MAP2: variants seen among roughly 807,000 people sequenced by gnomAD.
MAP2 encodes the protein microtubule-associated protein 2.
Under a neutral mutation model 137.6 loss-of-function variants are expected in MAP2, and 14 were observed. That is an observed-to-expected ratio of 0.10 (90% confidence interval 0.07 to 0.16). MAP2 has a LOEUF of 0.16. MAP2 is among the 10% of genes least tolerant of loss of function. The pLI is 1.00. For missense variants in MAP2, 2,088 were observed against 2,191.5 expected (o/e 0.95, Z 0.94); for synonymous variants, 786 against 782.3 (o/e 1.00, Z -0.08).
chr2:209,626,257 T>C (rs1442965629), intron 4 of MAP2, among the ~76,000 whole-genome samples: 2 of 151,842 alleles, frequency 1.3e-5, no homozygotes, highest in Non-Finnish European at 2.9e-5. Flanking sequence ...CTACCAAAAA[T>C]ACAAAAAATT....
intron 13 of MAP2, among the ~76,000 whole-genome samples, chr2:209,718,671 C>T (rs993311804): frequency 7.9e-5 from 12 of 152,158 alleles, no homozygotes; most frequent in Non-Finnish European, 1.5e-4. Flanking sequence ...GAAAATTGGT[C>T]TCTCCAACTT....
chr2:209,444,584 T>C (rs1247677270), intron 1 of MAP2, among the ~76,000 whole-genome samples: 1 of 151,532 alleles, frequency 6.6e-6, no homozygotes, highest in Non-Finnish European at 1.5e-5. Flanking sequence ...GGTTGCAGTT[T>C]AGTAAAATTA....
At chr2:209,670,428 A>G (rs1206718153) in intron 5 of MAP2, among the ~76,000 whole-genome samples, 2 of 151,890 alleles carry the variant, frequency 1.3e-5, no homozygotes, top group East Asian at 3.9e-4. Context: ...TTAAAATTAG[A>G]AGCAAAATTT....
At chr2:209,599,507 A>G (rs1456080014) in intron 3 of MAP2, among the ~76,000 whole-genome samples, 1 of 152,126 alleles carries the variant, frequency 6.6e-6, no homozygotes, top group Admixed American at 6.6e-5. Context: ...TCTTGTGATC[A>G]TATATCAGAC....
chr2:209,504,573 G>A (rs1041312743), intron 1 of MAP2, among the ~76,000 whole-genome samples: 1 of 152,108 alleles, frequency 6.6e-6, no homozygotes, highest in South Asian at 2.1e-4. Context: ...TGCTCAGTAT[G>A]CATTTATCAA....
intron 1 of MAP2, among the ~76,000 whole-genome samples, chr2:209,489,089 A>G (rs982009502): frequency 2.6e-5 from 4 of 152,192 alleles, no homozygotes; most frequent in Admixed American, 2.6e-4. Flanking sequence ...TTCCAGAGAA[A>G]GGAGCAGTCA....
intron 1 of MAP2, among the ~76,000 whole-genome samples, chr2:209,447,782 C>T (rs958854952): frequency 3.3e-5 from 5 of 151,978 alleles, no homozygotes; most frequent in African/African-American, 1.2e-4. Context: ...CAGTTATGTC[C>T]TAGTTACTCA....
intron 1 of MAP2, among the ~76,000 whole-genome samples, chr2:209,428,179 G>T (rs920078944): frequency 1.3e-5 from 2 of 152,088 alleles, no homozygotes; most frequent in African/African-American, 4.8e-5. Flanking sequence ...TCCTGTTCAA[G>T]ACATAAGCTT....
At chr2:209,451,536 G>A (rs868408887) in intron 1 of MAP2, among the ~76,000 whole-genome samples, 2 of 152,276 alleles carry the variant, frequency 1.3e-5, no homozygotes, top group Middle Eastern at 3.4e-3. Flanking sequence ...ATGGCTCTGA[G>A]GTGGTAACAG....
intron 2 of MAP2, among the ~76,000 whole-genome samples, chr2:209,541,700 T>C (rs2067075087): frequency 6.6e-6 from 1 of 152,236 alleles, no homozygotes; most frequent in Non-Finnish European, 1.5e-5. Context: ...AAGAGACCAC[T>C]CTTTTGCTCA....
At chr2:209,697,191 T>A in intron 10 of MAP2, 140 bp downstream of exon 10, 1 of 774,536 alleles carries the variant, frequency 1.3e-6, no homozygotes, top group Non-Finnish European at 2.0e-6. Context: ...ATTAAGTGTC[T>A]TGTATCATTA....
chr2:209,668,318 A>G (rs1430316427), intron 5 of MAP2, among the ~76,000 whole-genome samples: 1 of 152,066 alleles, frequency 6.6e-6, no homozygotes, highest in Non-Finnish European at 1.5e-5. Flanking sequence ...TGAATAAACA[A>G]CATTGAAGCA....
At chr2:209,436,234 GA>G (rs1696254317) in intron 1 of MAP2, among the ~76,000 whole-genome samples, 1 of 151,088 alleles carries the variant, frequency 6.6e-6, no homozygotes, top group African/African-American at 2.4e-5. Flanking sequence ...ATTCTTGTTA[GA>G]TATTTATTTC....
intron 1 of MAP2, among the ~76,000 whole-genome samples, chr2:209,493,009 A>G (rs1238132009): frequency 1.3e-5 from 2 of 152,212 alleles, no homozygotes; most frequent in African/African-American, 4.8e-5. Context: ...TGGAGGCATC[A>G]TGCTACCTGA....
rs566124044 is a variant in MAP2 at position 209,670,352 on chromosome 2, C to T, written c.263-8220C>T. 4.6e-5 allele frequency among the ~76,000 whole-genome samples: 7 copies of T among 152,044 alleles called. No individual in the cohort carries two copies. The East Asian group carries it at 7.7e-4, about 17-fold the overall frequency. On this transcript the variant is annotated intron_variant, in intron 5 of 15. Transcript: ENST00000682079. ...TGATAAATATAAAGCTAAATTGTAA[C>T]GATACTGGCTTACCATATTTCTTCT...
At chr2:209,600,466 A>G (rs1465281435) in intron 3 of MAP2, among the ~76,000 whole-genome samples, 1 of 152,118 alleles carries the variant, frequency 6.6e-6, no homozygotes, top group Admixed American at 6.5e-5. Context: ...AGCTGGCTTA[A>G]TAGGATTTGT....
intron 1 of MAP2, among the ~76,000 whole-genome samples, chr2:209,426,767 C>T (rs1401095201): frequency 6.6e-6 from 1 of 152,182 alleles, no homozygotes; most frequent in Admixed American, 6.5e-5. Flanking sequence ...TTTCAGGGAT[C>T]TTGAACTTGG....
chr2:209,463,046 GTCTTCA>G (rs1703235903), intron 1 of MAP2, among the ~76,000 whole-genome samples: 1 of 151,978 alleles, frequency 6.6e-6, no homozygotes, highest in Non-Finnish European at 1.5e-5. Flanking sequence ...ACTTGAAGAT[GTCTTCA>G]TCTTCAAGAC....
intron 2 of MAP2, among the ~76,000 whole-genome samples, chr2:209,545,354 G>A (rs2067844880): frequency 6.6e-6 from 1 of 152,064 alleles, no homozygotes. Context: ...GCACTATTGG[G>A]TCTCTAAACC....
Sources: gnomAD v4.1 joint callset for allele counts (sites outside exome capture counted in the v4.1 genomes callset) on GRCh38, gnomAD v4.1.1 for gene constraint, MANE v1.5 for transcripts, NCBI Gene and HGNC (gene_info 2026-07-23, HGNC 2026-07-21) for gene names.